Variants in COL4A5 observed in about 807,000 individuals in gnomAD.
COL4A5 encodes collagen type IV alpha 5 chain, also known as collagen alpha-5(IV) chain.
A neutral mutation model predicts 130.2 loss-of-function variants in COL4A5; 26 were observed. That is an observed-to-expected ratio of 0.20 (90% CI 0.15 to 0.28). The LOEUF is 0.28. COL4A5 is among the 10% of genes least tolerant of loss of function. The pLI is 1.00. For missense variants in COL4A5, 1,131 were observed against 1,344.3 expected, an observed-to-expected ratio of 0.84 and a Z score of 2.48; for synonymous variants, 496 against 439.6, an observed-to-expected ratio of 1.13 and a Z score of -1.60.
intron 1 of COL4A5, among the ~76,000 whole-genome samples, chrX:108,493,950 T>C (rs1310015181): frequency 9.0e-6 from 1 of 111,707 alleles, no homozygotes; most frequent in Non-Finnish European, 1.9e-5. Flanking sequence ...TAAAATAAAA[T>C]GTTAAATTTT....
At chrX:108,521,228 C>T (rs1472298362) in intron 1 of COL4A5, among the ~76,000 whole-genome samples, 1 of 111,305 alleles carries the variant, frequency 9.0e-6, no homozygotes, top group East Asian at 2.8e-4. Flanking sequence ...TGTTCATGTA[C>T]TGCATTTATT....
In COL4A5 at chrX:108,580,570, G is replaced by A. The variant is rs2147776175; in HGVS notation, c.818G>A (p.Gly273Glu). 1.7e-6 allele frequency: 2 copies of A among 1,209,376 alleles called. No individual in the cohort carries two copies. Among genetic ancestry groups the A allele is most frequent in the Non-Finnish European group, 2.2e-6 (2 of 893,811 alleles). The change falls in exon 14 of 53, where the codon GGG becomes GAG. Residue 273 changes from glycine (G) to glutamate (E), a missense_variant. Transcript: ENST00000328300. ...PGDRGPPGPP[G>E]IRGPPGPPGG... is the part of the protein sequence containing the mutation. ...GACCGAGGGCCTCCTGGACCTCCAG[G>A]GATACGTGGTCCTCCAGTAAGTACC...
At chrX:108,626,387 C>T in intron 36 of COL4A5, 38 bp downstream of exon 36, 1 of 1,206,114 alleles carries the variant, frequency 8.3e-7, no homozygotes, top group African/African-American at 1.7e-5. Context: ...CATACTTGAG[C>T]AGATATGAAA....
Position 108,680,885 on chromosome X carries a change from G to C in COL4A5, c.4016G>C (p.Gly1339Ala), listed in dbSNP as rs1167920036. The change falls in exon 46 of 53, where the codon GGC becomes GCC. Residue 1339 changes from glycine (G) to alanine (A), a missense_variant and splice_region_variant. Transcript: ENST00000328300. Reference protein sequence around the residue: ...PGLPGVPGFPGMKGPSGVPGS... With the variant: ...PGLPGVPGFPAMKGPSGVPGS... Reference sequence around the variant, plus strand: ...AAAACTGTATGTACCTTCTGTGCAGGCATGAAAGGACCCAGTGGAGTACCT... The same window carrying C: ...AAAACTGTATGTACCTTCTGTGCAGCCATGAAAGGACCCAGTGGAGTACCT... The C allele has an allele frequency of 8.3e-7, 1 of 1,208,263 alleles. No homozygotes were observed. Among genetic ancestry groups the C allele is most frequent in the East Asian group, 3.0e-5 (1 of 33,745 alleles).
chrX:108,524,354 C>A (rs745306818), intron 1 of COL4A5, among the ~76,000 whole-genome samples: 18 of 109,425 alleles, frequency 1.6e-4, no homozygotes, highest in Non-Finnish European at 3.2e-4. Context: ...TTATTCTGAT[C>A]TTAATAGTAA....
rs1180518639 is a variant in COL4A5 at position 108,595,570 on chromosome X, A to G, written c.1485A>G (p.Gln495=). 8.3e-7 allele frequency: 1 copy of G among 1,210,653 alleles called. No individual in the cohort carries two copies. The highest frequency in any genetic ancestry group is 1.7e-5 in the African/African-American group (1 of 57,369). Residue 495 remains glutamine, a synonymous_variant, in exon 22 of 53, where the codon CAA becomes CAG. Coordinates refer to ENST00000328300, the MANE Select transcript of COL4A5 (RefSeq NM_033380.3). ...CTGGTATTTCAGGGCCTCCAGGTCA[A>G]CCTGGTTTGCCAGGTCTCCCAGGTC... ...IGTGISGPPG[Q]PGLPGLPGPP...
chrX:108,606,256 C>T (rs1214770290), intron 28 of COL4A5, among the ~76,000 whole-genome samples: 1 of 111,737 alleles, frequency 8.9e-6, no homozygotes, highest in African/African-American at 3.3e-5. Flanking sequence ...GATTTTATAA[C>T]ATTTGCTTCA....
intron 29 of COL4A5, among the ~76,000 whole-genome samples, chrX:108,608,536 T>C (rs1206900501): frequency 1.8e-5 from 2 of 111,259 alleles, no homozygotes; most frequent in Non-Finnish European, 3.8e-5. Context: ...TCCATCCCTG[T>C]CTCCATCCAT....
At chrX:108,635,768 G>C (rs1013504879) in intron 36 of COL4A5, among the ~76,000 whole-genome samples, 6 of 112,066 alleles carry the variant, frequency 5.4e-5, no homozygotes. Context: ...TTTCAACGTA[G>C]GTACCAAAAC....
At chrX:108,553,801 G>A (rs2065785005) in intron 2 of COL4A5, among the ~76,000 whole-genome samples, 1 of 111,692 alleles carries the variant, frequency 9.0e-6, no homozygotes, top group Non-Finnish European at 1.9e-5. Flanking sequence ...ATTTGTAATA[G>A]CCAGAAACTG....
intron 23 of COL4A5, 142 bp from the exon 24 acceptor site, chrX:108,597,235 C>A: frequency 1.3e-6 from 1 of 758,184 alleles, no homozygotes; most frequent in Non-Finnish European, 2.0e-6. Context: ...TCACTTGATT[C>A]AGCCCTTTGT....
chrX:108,458,482 C>A (rs2064606039), intron 1 of COL4A5, among the ~76,000 whole-genome samples: 2 of 111,597 alleles, frequency 1.8e-5, no homozygotes, highest in Admixed American at 1.9e-4. Context: ...TTGTTCTTTT[C>A]ATATTTTGGG....
intron 1 of COL4A5, chrX:108,462,928 G>C (rs931881800): frequency 5.2e-4 from 58 of 111,786 alleles, no homozygotes; most frequent in Middle Eastern, 4.6e-3. Flanking sequence ...TATTCTTCTT[G>C]TCCTTCCCTC....
chrX:108,447,617 C>T (rs984314061), intron 1 of COL4A5, among the ~76,000 whole-genome samples: 3 of 111,919 alleles, frequency 2.7e-5, no homozygotes, highest in African/African-American at 9.7e-5. Context: ...ACCAATTATA[C>T]TCCTATCAGT....
chrX:108,668,615 A>G lies in COL4A5; in HGVS notation c.3790+111A>G, dbSNP rs28717046. On this transcript the variant is annotated intron_variant, in intron 41 of 52. Transcript: ENST00000328300. ...TAGAATTTTTCCGGTGCATTGGAGGATGTTAAAAAAAAGACTTTAAAATTT... is the reference window on the plus strand; with the variant it reads ...TAGAATTTTTCCGGTGCATTGGAGGGTGTTAAAAAAAAGACTTTAAAATTT... 2.9e-3 allele frequency: 1,650 copies of G among 570,579 alleles called. 12 individuals are homozygous for G. The highest frequency in any genetic ancestry group is 0.021 in the East Asian group (525 of 25,289). The allele number at this position is 570,579 out of a possible 1,213,427, so 47.0% of individuals were successfully genotyped here. A position where few individuals can be genotyped will look rare whatever the true frequency, so the allele number is the denominator to read the frequency against.
chrX:108,451,268 A>G (rs374959516), intron 1 of COL4A5, among the ~76,000 whole-genome samples: 1 of 110,180 alleles, frequency 9.1e-6, no homozygotes, highest in African/African-American at 3.3e-5. Context: ...GGTTGGTTCC[A>G]AGTCTTTGCT....
intron 1 of COL4A5, 60 bp from the exon 2 acceptor site, chrX:108,539,686 T>A (rs2065507409): frequency 1.1e-6 from 1 of 948,092 alleles, no homozygotes. Context: ...GAGCTGTAAG[T>A]CAGAGTCTGA....
At chrX:108,579,079 A>T (rs1483213238) in intron 13 of COL4A5, among the ~76,000 whole-genome samples, 1 of 111,527 alleles carries the variant, frequency 9.0e-6, no homozygotes, top group African/African-American at 3.3e-5. Flanking sequence ...TAGTGCATTC[A>T]CAGGGTAGTG....
At chrX:108,451,173 C>T (rs1382905151) in intron 1 of COL4A5, among the ~76,000 whole-genome samples, 3 of 111,494 alleles carry the variant, frequency 2.7e-5, no homozygotes, top group Non-Finnish European at 5.6e-5. Context: ...AGGACAGGAA[C>T]TCATCCTTTT....
Sources: gnomAD v4.1 joint callset for allele counts (sites outside exome capture counted in the v4.1 genomes callset) on GRCh38, gnomAD v4.1.1 for gene constraint, MANE v1.5 for transcripts, NCBI Gene and HGNC (gene_info 2026-07-23, HGNC 2026-07-21) for gene names.